The following TENM3 variants were observed in gnomAD, a reference collection of about 807,000 sequenced individuals.
The protein encoded by TENM3 is teneurin transmembrane protein 3.
A neutral mutation model predicts 255.1 loss-of-function variants in TENM3; 63 were observed. The observed-to-expected ratio is 0.25, with a 90% CI of 0.20 to 0.30. The LOEUF (loss-of-function observed/expected upper bound fraction) is 0.30, where lower values mean the gene tolerates loss of function less well. TENM3 is among the 10% of genes least tolerant of loss of function. The pLI is 1.00. For missense variants in TENM3, 2,929 were observed against 3,461.1 expected, an observed-to-expected ratio of 0.85 and a Z score of 3.86; for synonymous variants, 1,306 against 1,322.3, an observed-to-expected ratio of 0.99 and a Z score of 0.27.
chr4:182,205,511 C>T (rs1432379942), intron 1 of TENM3, among the ~76,000 whole-genome samples: 1 of 152,142 alleles, frequency 6.6e-6, no homozygotes, highest in Admixed American at 6.5e-5. Flanking sequence ...TTCCTCAGGG[C>T]CCCCCAGGTG....
chr4:182,753,135 A>G (rs1379406566), intron 20 of TENM3, among the ~76,000 whole-genome samples: 1 of 151,958 alleles, frequency 6.6e-6, no homozygotes, highest in African/African-American at 2.4e-5. Flanking sequence ...TTTAGTAGAG[A>G]CAGGGTTTCA....
At chr4:182,284,961 G>A (rs1760638912) in intron 1 of TENM3, among the ~76,000 whole-genome samples, 1 of 152,080 alleles carries the variant, frequency 6.6e-6, no homozygotes, top group South Asian at 2.1e-4. Flanking sequence ...ACCTTTTTGG[G>A]AATCTGGGTC....
chr4:181,768,823 A>G, the TENM3 span, among the ~76,000 whole-genome samples: 1 of 152,242 alleles, frequency 6.6e-6, no homozygotes, highest in Admixed American at 6.5e-5. Flanking sequence ...GGCAATTAAA[A>G]TATAAGAACC....
the TENM3 span, among the ~76,000 whole-genome samples, chr4:181,852,440 C>A: frequency 6.6e-6 from 1 of 152,168 alleles, no homozygotes; most frequent in Non-Finnish European, 1.5e-5. Flanking sequence ...AGGGGGCTCA[C>A]TTTTCCTATT....
the TENM3 span, among the ~76,000 whole-genome samples, chr4:181,464,010 C>T: frequency 1.3e-5 from 2 of 152,138 alleles, no homozygotes; most frequent in African/African-American, 4.8e-5. Flanking sequence ...AAACAATACT[C>T]CACTGAATGA....
At chr4:182,073,850 T>C in the TENM3 span, among the ~76,000 whole-genome samples, 2 of 152,144 alleles carry the variant, frequency 1.3e-5, no homozygotes, top group Admixed American at 6.5e-5. Context: ...AAATTCCCTA[T>C]GGACAATGCA....
intron 26 of TENM3, 131 bp downstream of exon 26, chr4:182,794,016 A>G (rs1400309965): frequency 5.3e-6 from 4 of 761,120 alleles, no homozygotes; most frequent in Non-Finnish European, 8.3e-6. Flanking sequence ...AACCTTTTAA[A>G]TGTGTTTATT....
At chr4:182,310,127 C>A (rs558222486) in intron 1 of TENM3, among the ~76,000 whole-genome samples, 3 of 152,276 alleles carry the variant, frequency 2.0e-5, no homozygotes, top group Admixed American at 2.0e-4. Context: ...TTCTCTGTCT[C>A]CTTCCCAGTT....
At chr4:182,219,742 A>T (rs961967621) in intron 1 of TENM3, among the ~76,000 whole-genome samples, 9 of 152,214 alleles carry the variant, frequency 5.9e-5, no homozygotes, top group African/African-American at 1.9e-4. Context: ...AAAATATCCA[A>T]CTGATGGTTT....
chr4:181,707,304 T>C, the TENM3 span, among the ~76,000 whole-genome samples: 1 of 152,176 alleles, frequency 6.6e-6, no homozygotes, highest in African/African-American at 2.4e-5. Flanking sequence ...AATAGTTATT[T>C]TCTGCCGGGC....
the TENM3 span, among the ~76,000 whole-genome samples, chr4:181,656,341 A>T: frequency 6.6e-6 from 1 of 152,200 alleles, no homozygotes; most frequent in Non-Finnish European, 1.5e-5. Flanking sequence ...GACCTCCTGA[A>T]ATAACTACAT....
chr4:181,610,627 C>T, the TENM3 span, among the ~76,000 whole-genome samples: 2 of 151,800 alleles, frequency 1.3e-5, no homozygotes, highest in Non-Finnish European at 2.9e-5. Context: ...CAATGACTAA[C>T]CTGTAAAAAT....
chr4:182,121,941 A>C, the TENM3 span, among the ~76,000 whole-genome samples: 5 of 152,252 alleles, frequency 3.3e-5, 1 homozygote, highest in Non-Finnish European at 5.9e-5. Context: ...CAATCCTCTC[A>C]AACCTTTCCA....
the TENM3 span, among the ~76,000 whole-genome samples, chr4:181,592,093 C>T: frequency 6.6e-6 from 1 of 152,076 alleles, no homozygotes; most frequent in South Asian, 2.1e-4. Flanking sequence ...GGAGGAATTA[C>T]AAAGCGCCCA....
intron 1 of TENM3, among the ~76,000 whole-genome samples, chr4:182,281,128 T>C (rs1343292455): frequency 6.6e-6 from 1 of 152,182 alleles, no homozygotes; most frequent in Non-Finnish European, 1.5e-5. Flanking sequence ...CTTTAAGTTG[T>C]AAAGCTATCA....
chr4:182,583,333 CTGTGTGTGTGTGTGTGTGTG>C (rs3073440), intron 3 of TENM3, among the ~76,000 whole-genome samples: 24 of 143,516 alleles, frequency 1.7e-4, no homozygotes, highest in Non-Finnish European at 2.6e-4. Flanking sequence ...GCTTAAACCT[CTGTGTGTGTGTGTGTGTGTG>C]TGTGTGTGTG....
In TENM3 at chr4:182,793,977, A is replaced by C; in HGVS notation, c.7213+92A>C. Reference sequence around the variant, plus strand: ...TGGAAATGCTTTTTTAAAAAACTTTATACTTTACTCAGGCAAAGGCAAATG... The same window carrying C: ...TGGAAATGCTTTTTTAAAAAACTTTCTACTTTACTCAGGCAAAGGCAAATG... On this transcript the variant is annotated intron_variant, in intron 26 of 27. Coordinates refer to ENST00000511685, the MANE Select transcript of TENM3 (RefSeq NM_001080477.4). This position sits in a 1 kb window ranked among gnomAD's most constrained non-coding sequence, Gnocchi z 5.7. 1 of 1,215,708 alleles carries C rather than the reference A, an allele frequency of 8.2e-7. No individual in the cohort carries two copies. The highest frequency in any genetic ancestry group is 1.1e-6 in the Non-Finnish European group (1 of 886,254). 75.3% of individuals were successfully genotyped at this position (1,215,708 alleles called of 1,614,324 possible).
chr4:181,577,463 T>C, the TENM3 span, among the ~76,000 whole-genome samples: 1 of 151,914 alleles, frequency 6.6e-6, no homozygotes. Context: ...TTCTGATCAG[T>C]TCTCTCACTG....
chr4:182,297,846 G>A (rs1440548399), intron 1 of TENM3, among the ~76,000 whole-genome samples: 2 of 152,208 alleles, frequency 1.3e-5, no homozygotes, highest in African/African-American at 4.8e-5. Flanking sequence ...GGGCCTCAGT[G>A]AAGTTCGAGT....
Sources: gnomAD v4.1 joint callset for allele counts (sites outside exome capture counted in the v4.1 genomes callset) on GRCh38, gnomAD v4.1.1 for gene constraint, Gnocchi (gnomAD v3.1) non-coding constraint, MANE v1.5 for transcripts, NCBI Gene and HGNC (gene_info 2026-07-23, HGNC 2026-07-21) for gene names.